Variants in PTPRA observed in about 807,000 individuals in gnomAD.
The protein encoded by PTPRA is protein tyrosine phosphatase receptor type A, also known as receptor-type tyrosine-protein phosphatase alpha.
A neutral mutation model predicts 104.8 loss-of-function variants in PTPRA; 25 were observed. The observed-to-expected ratio is 0.24, with a 90% CI of 0.17 to 0.33. The LOEUF (loss-of-function observed/expected upper bound fraction) is 0.33, where lower values mean the gene tolerates loss of function less well. PTPRA is among the 10% of genes least tolerant of loss of function. The probability of loss-of-function intolerance (pLI) is 1.00; values close to 1 mark genes in which losing one functional copy is unlikely to be tolerated. For missense variants in PTPRA, 765 were observed against 1,015.3 expected (o/e 0.75, Z 3.35); for synonymous variants, 323 against 368.9 (o/e 0.88, Z 1.43).
intron 5 of PTPRA, among the ~76,000 whole-genome samples, chr20:2,968,414 G>A (rs2062023105): frequency 6.6e-6 from 1 of 151,504 alleles, no homozygotes; most frequent in Admixed American, 6.6e-5. Flanking sequence ...CATTATTATG[G>A]ATACTTAATA....
chr20:2,892,017 C>T (rs181059683), intron 1 of PTPRA, among the ~76,000 whole-genome samples: 2 of 152,048 alleles, frequency 1.3e-5, no homozygotes, highest in East Asian at 3.9e-4. Flanking sequence ...GGGCCGGGCG[C>T]GGTGGCTCAC....
chr20:3,026,600 C>T, intron 17 of PTPRA, 87 bp from the exon 18 acceptor site: 1 of 1,008,422 alleles, frequency 9.9e-7, no homozygotes, highest in African/African-American at 1.6e-5. Context: ...CCAGAGTGGC[C>T]TGGAGGTGCA....
chr20:2,892,056 G>C (rs1249089561), intron 1 of PTPRA, among the ~76,000 whole-genome samples: 1 of 152,058 alleles, frequency 6.6e-6, no homozygotes, highest in Non-Finnish European at 1.5e-5. Flanking sequence ...TTGGGAGGCT[G>C]GGGTGGGAGG....
chr20:2,986,965 G>T (rs1306886953), intron 7 of PTPRA, 116 bp downstream of exon 7: 1 of 937,172 alleles, frequency 1.1e-6, no homozygotes, highest in South Asian at 1.4e-5. Flanking sequence ...GATAGAGGGG[G>T]AATGACCCAT....
intron 19 of PTPRA, 54 bp downstream of exon 19, chr20:3,027,251 G>C: frequency 1.7e-5 from 26 of 1,546,498 alleles, no homozygotes; most frequent in Non-Finnish European, 2.3e-5. Context: ...GATTCAGCCA[G>C]CACTTGCAGT....
At chr20:2,988,281 A>G in intron 8 of PTPRA, 57 bp from the exon 9 acceptor site, 13 of 1,563,472 alleles carry the variant, frequency 8.3e-6, no homozygotes, top group Non-Finnish European at 1.1e-5. Flanking sequence ...TTTAGCCTCC[A>G]GAAGAGGGGC....
chr20:2,992,986 G>A (rs2063248079), intron 9 of PTPRA, among the ~76,000 whole-genome samples: 1 of 152,264 alleles, frequency 6.6e-6, no homozygotes, highest in South Asian at 2.1e-4. Flanking sequence ...TGGGGAGGCT[G>A]AGGTGGGGTA....
chr20:2,879,885 T>A (rs1490000016), intron 1 of PTPRA, among the ~76,000 whole-genome samples: 2 of 152,214 alleles, frequency 1.3e-5, no homozygotes, highest in African/African-American at 4.8e-5. Context: ...AAGTACCTTT[T>A]ATGATGTTTG....
intron 23 of PTPRA, 52 bp from the exon 24 acceptor site, chr20:3,038,007 T>C: frequency 7.0e-7 from 1 of 1,427,440 alleles, no homozygotes; most frequent in Non-Finnish European, 9.8e-7. Context: ...GAATTACAGG[T>C]ACTGTGTGTT....
intron 5 of PTPRA, among the ~76,000 whole-genome samples, chr20:2,969,073 G>GT (rs1156377363): frequency 6.6e-6 from 1 of 151,872 alleles, no homozygotes; most frequent in Non-Finnish European, 1.5e-5. Flanking sequence ...TTAGTCAAAC[G>GT]TGTTGGCATA....
At chr20:2,985,157 A>C (rs2062847955) in intron 6 of PTPRA, among the ~76,000 whole-genome samples, 1 of 152,232 alleles carries the variant, frequency 6.6e-6, no homozygotes, top group Non-Finnish European at 1.5e-5. Context: ...GAATCAGATG[A>C]GGATGGGAAT....
intron 6 of PTPRA, among the ~76,000 whole-genome samples, chr20:2,976,687 G>C (rs1295105633): frequency 6.6e-6 from 1 of 152,196 alleles, no homozygotes; most frequent in Non-Finnish European, 1.5e-5. Context: ...TACCAGAGCA[G>C]ATCTTTAGAA....
At chr20:3,001,841 T>C (rs767808949) in intron 9 of PTPRA, among the ~76,000 whole-genome samples, 4 of 152,202 alleles carry the variant, frequency 2.6e-5, no homozygotes, top group Non-Finnish European at 4.4e-5. Flanking sequence ...GAGGTCCTAA[T>C]TTCCCTATCT....
intron 1 of PTPRA, among the ~76,000 whole-genome samples, chr20:2,905,383 G>A (rs988132988): frequency 6.6e-6 from 1 of 152,160 alleles, no homozygotes; most frequent in Non-Finnish European, 1.5e-5. Flanking sequence ...ACTCATGGCT[G>A]GTTGGCTGCT....
chr20:3,030,676 C>CTTTTTTTTTT (rs1180681994), intron 20 of PTPRA, among the ~76,000 whole-genome samples: 3 of 67,732 alleles, frequency 4.4e-5, no homozygotes, highest in East Asian at 5.1e-4. Flanking sequence ...TCTCCCTCTG[C>CTTTTTTTTTT]TTTTTTTTTT....
At chr20:2,998,373 G>A (rs185928285) in intron 9 of PTPRA, among the ~76,000 whole-genome samples, 1 of 152,256 alleles carries the variant, frequency 6.6e-6, no homozygotes, top group Admixed American at 6.5e-5. Flanking sequence ...ACTGAGTGTG[G>A]CATCTGAGTT....
At chr20:2,941,411 C>T (rs141266664) in intron 2 of PTPRA, among the ~76,000 whole-genome samples, 5 of 152,216 alleles carry the variant, frequency 3.3e-5, no homozygotes, top group African/African-American at 9.6e-5. Flanking sequence ...TTCAGCACTC[C>T]CTGTCACCCC....
At chr20:2,995,625 G>A (rs1007182434) in intron 9 of PTPRA, among the ~76,000 whole-genome samples, 1 of 152,080 alleles carries the variant, frequency 6.6e-6, no homozygotes, top group African/African-American at 2.4e-5. Context: ...CTCACTTAAA[G>A]CCTTATCTTT....
intron 17 of PTPRA, 73 bp from the exon 18 acceptor site, chr20:3,026,614 C>A: frequency 1.6e-6 from 2 of 1,232,290 alleles, no homozygotes; most frequent in Non-Finnish European, 2.4e-6. Flanking sequence ...AGGTGCAGGC[C>A]AAGGGACAGG....
Sources: allele counts gnomAD v4.1 joint callset (sites outside exome capture counted in the v4.1 genomes callset), GRCh38; gene constraint gnomAD v4.1.1; transcripts MANE v1.5; gene names NCBI Gene and HGNC (gene_info 2026-07-23, HGNC 2026-07-21).